The following TAOK1 variants were observed in gnomAD, a reference collection of about 807,000 sequenced individuals.
The protein encoded by TAOK1 is TAO kinase 1.
A neutral mutation model predicts 138.3 loss-of-function variants in TAOK1; 21 were observed. The observed-to-expected ratio is 0.15, with a 90% CI of 0.11 to 0.22. The LOEUF (loss-of-function observed/expected upper bound fraction) is 0.22, where lower values mean the gene tolerates loss of function less well. Among genes scored for constraint, TAOK1 ranks in the 10% least tolerant of loss-of-function variants. The pLI is 1.00. For missense variants in TAOK1, 651 were observed against 1,227.7 expected (o/e 0.53, Z 7.02); for synonymous variants, 361 against 398.4 (o/e 0.91, Z 1.12).
intron 1 of TAOK1, among the ~76,000 whole-genome samples, chr17:29,397,058 G>T (rs1458614512): frequency 2.7e-5 from 4 of 147,314 alleles, no homozygotes; most frequent in African/African-American, 7.6e-5. Flanking sequence ...ACTTTGGGAG[G>T]CTGAGGCGGG....
chr17:29,461,598 C>T (rs2030533293), intron 2 of TAOK1, among the ~76,000 whole-genome samples: 1 of 152,054 alleles, frequency 6.6e-6, no homozygotes, highest in Non-Finnish European at 1.5e-5. Context: ...AGATTGTATG[C>T]GGCCCACAGA....
chr17:29,541,859 T>C (rs2032323355), intron 19 of TAOK1, among the ~76,000 whole-genome samples: 1 of 152,058 alleles, frequency 6.6e-6, no homozygotes. Context: ...CTCTTTTTAT[T>C]TTTTTATTTT....
Position 29,517,479 on chromosome 17 carries a change from CA to C in TAOK1, c.1737del (p.Glu580LysfsTer32), listed in dbSNP as rs748972205. On this transcript the variant is annotated frameshift_variant, in exon 16 of 20. Coordinates refer to ENST00000261716, the MANE Select transcript of TAOK1 (RefSeq NM_020791.4). LOFTEE classifies it high-confidence loss of function. ...AGCTAAATGAAAACCAGAGTACCCC[CA>C]AAAAAGAAAAACAGGAGTGGCTTTC... ...EELNENQSTP[K>X]KEKQEWLSKQ... 6.2e-7 allele frequency: 1 copy of C among 1,613,370 alleles called. No individual in the cohort carries two copies. The highest frequency in any genetic ancestry group is 1.7e-5 in the Admixed American group (1 of 59,894).
rs2032501408 is a variant in TAOK1, at chr17:29,551,830, TG to T, written c.*8809del. On this transcript the variant is annotated 3_prime_UTR_variant, in exon 20 of 20. Transcript: ENST00000261716. ...ACAAGGTCATATGTAATATTTTGTT[TG>T]TAAGTATCCTTTGTATCATAGCAAA... 1 of 152,786 alleles carries T rather than the reference TG, an allele frequency of 6.5e-6. No homozygotes were observed. The highest frequency in any genetic ancestry group is 1.9e-4 in the East Asian group (1 of 5,190). The allele number at this position is 152,786 out of a possible 1,614,324, so 9.5% of individuals were successfully genotyped here.
Position 29,520,508 on chromosome 17 carries a change from G to T in TAOK1, c.1909-1772G>T, listed in dbSNP as rs542504464. Among the ~76,000 whole-genome samples the T allele has an allele frequency of 5.3e-5, 8 of 151,652 alleles. No homozygotes were observed. The South Asian group carries it at 1.3e-3, about 24-fold the overall frequency. On this transcript the variant is annotated intron_variant, in intron 16 of 19. Transcript: ENST00000261716. ...GGCTCACTGCAACCTTTGCCTCCTGGGTTCAAGCCATTCCCCTGCCTCAGA... is the reference window on the plus strand; with the variant it reads ...GGCTCACTGCAACCTTTGCCTCCTGTGTTCAAGCCATTCCCCTGCCTCAGA...
At chr17:29,538,709 T>G (rs1208271848) in intron 19 of TAOK1, among the ~76,000 whole-genome samples, 2 of 152,224 alleles carry the variant, frequency 1.3e-5, no homozygotes, top group Admixed American at 6.5e-5. Context: ...GAACCAAAAA[T>G]TGTTCATTTA....
chr17:29,459,748 A>G (rs1178972854), intron 2 of TAOK1, among the ~76,000 whole-genome samples: 1 of 152,110 alleles, frequency 6.6e-6, no homozygotes, highest in East Asian at 1.9e-4. Context: ...AATTTCCTTT[A>G]TGTTGGGCAT....
At chr17:29,452,223 A>AATAC (rs560919164) in intron 2 of TAOK1, among the ~76,000 whole-genome samples, 123 of 148,728 alleles carry the variant, frequency 8.3e-4, no homozygotes, top group East Asian at 6.5e-3. Context: ...ACAAAAAATA[A>AATAC]ATAAATAAAT....
intron 11 of TAOK1, among the ~76,000 whole-genome samples, chr17:29,497,712 T>G (rs373457123): frequency 2.0e-5 from 1 of 50,216 alleles, no homozygotes; most frequent in Non-Finnish European, 4.4e-5. Flanking sequence ...CCTATTGAAA[T>G]ACAAAAAAAA....
intron 13 of TAOK1, 134 bp downstream of exon 13, chr17:29,502,857 T>A: frequency 2.1e-6 from 2 of 960,502 alleles, no homozygotes; most frequent in Non-Finnish European, 3.0e-6. Context: ...TTTAAGTGCC[T>A]ATTAAGAGAA....
At chr17:29,440,009 A>G (rs2029892795) in intron 1 of TAOK1, among the ~76,000 whole-genome samples, 1 of 152,070 alleles carries the variant, frequency 6.6e-6, no homozygotes, top group African/African-American at 2.4e-5. Context: ...AATGTCTTCC[A>G]GTGTATGCGT....
At chr17:29,539,262 A>T (rs2032274168) in intron 19 of TAOK1, among the ~76,000 whole-genome samples, 1 of 152,004 alleles carries the variant, frequency 6.6e-6, no homozygotes, top group African/African-American at 2.4e-5. Flanking sequence ...ACCCTGTCTC[A>T]GAAAACAACA....
At chr17:29,453,264 A>G (rs2030289978) in intron 2 of TAOK1, among the ~76,000 whole-genome samples, 1 of 145,306 alleles carries the variant, frequency 6.9e-6, no homozygotes, top group Non-Finnish European at 1.5e-5. Flanking sequence ...GGTTCATGCC[A>G]TTCTCCTGCC....
chr17:29,507,198 G>A (rs1430253252), intron 13 of TAOK1, among the ~76,000 whole-genome samples: 4 of 151,458 alleles, frequency 2.6e-5, no homozygotes, highest in Non-Finnish European at 5.9e-5. Context: ...TAAACATATT[G>A]AATTGTTCAC....
intron 1 of TAOK1, among the ~76,000 whole-genome samples, chr17:29,432,022 G>C (rs549120215): frequency 6.6e-6 from 1 of 152,006 alleles, no homozygotes; most frequent in Non-Finnish European, 1.5e-5. Context: ...CTCCGTGTGC[G>C]GAGACCAGCT....
In TAOK1 at chr17:29,465,837, CTTTTT is replaced by C. The variant is rs3058623; in HGVS notation, c.133-1285_133-1281del. Among the ~76,000 whole-genome samples the C allele has an allele frequency of 3.1e-4, 14 of 45,452 alleles. 1 individual carries two copies. The highest frequency in any genetic ancestry group is 1.5e-3 in the African/African-American group (13 of 8,724). The allele number at this position is 45,452 out of a possible 152,430, so 29.8% of individuals were successfully genotyped here. A position where few individuals can be genotyped will look rare whatever the true frequency, so the allele number is the denominator to read the frequency against. On this transcript the variant is annotated intron_variant, in intron 2 of 19. Coordinates refer to ENST00000261716, the MANE Select transcript of TAOK1 (RefSeq NM_020791.4). ...AAGAGTTAACTGTCAAGTTTCTGTG[CTTTTT>C]TTTTTTTTTTTTTTTTTTTTTTCAG...
chr17:29,457,626 G>A (rs2030421030), intron 2 of TAOK1, among the ~76,000 whole-genome samples: 2 of 149,978 alleles, frequency 1.3e-5, no homozygotes, highest in Non-Finnish European at 3.0e-5. Flanking sequence ...GGCTGGTCTT[G>A]AACTCCTAAC....
In TAOK1 at chr17:29,538,536, T is replaced by G. The variant is rs370397046; in HGVS notation, c.2545-4025T>G. ...ACCCTGTACCTCTCTACAAAAACTT[T>G]GTAAAATCCTAAAAGCTGTGATTTC... On this transcript the variant is annotated intron_variant, in intron 19 of 19. Coordinates refer to ENST00000261716, the MANE Select transcript of TAOK1 (RefSeq NM_020791.4). 1.3e-4 allele frequency among the ~76,000 whole-genome samples: 20 copies of G among 152,348 alleles called. No homozygotes were observed. The East Asian group carries it at 3.5e-3, about 26-fold the overall frequency.
chr17:29,489,740 A>G lies in TAOK1; in HGVS notation c.732A>G (p.Thr244=). 6.2e-7 allele frequency: 1 copy of G among 1,605,456 alleles called. No individual in the cohort carries two copies. The highest frequency in any genetic ancestry group is 8.5e-7 in the Non-Finnish European group (1 of 1,174,798). Residue 244 remains threonine, a synonymous_variant, in exon 9 of 20, where the codon ACA becomes ACG. Coordinates refer to ENST00000261716, the MANE Select transcript of TAOK1 (RefSeq NM_020791.4). ...ACATAGCCCAAAATGAATCCCCTAC[A>G]CTACAGTCTAATGAATGGTGAGTAT... ...LYHIAQNESP[T]LQSNEWSDYF...
Sources: gnomAD v4.1 joint callset for allele counts (sites outside exome capture counted in the v4.1 genomes callset) on GRCh38, gnomAD v4.1.1 for gene constraint, MANE v1.5 for transcripts, NCBI Gene and HGNC (gene_info 2026-07-23, HGNC 2026-07-21) for gene names.